The following MYH13 variants were observed in gnomAD, a reference collection of about 807,000 sequenced individuals.
MYH13 encodes the protein myosin-13.
MYH13 carries 177 observed loss-of-function variants against 232.1 expected under a neutral mutation model. The observed-to-expected ratio is 0.76, with a 90% CI of 0.67 to 0.86. The LOEUF (loss-of-function observed/expected upper bound fraction) is 0.86, where lower values mean the gene tolerates loss of function less well. Ranked by LOEUF, MYH13 falls within the 40% of genes least tolerant of loss-of-function variation. The pLI, the probability that MYH13 is intolerant of heterozygous loss-of-function variation, is 0.00. For synonymous variants in MYH13, 884 were observed against 923.5 expected (o/e 0.96, Z 0.78); for missense variants, 2,246 against 2,405.9 (o/e 0.93, Z 1.39).
intron 27 of MYH13, chr17:10,317,485 C>A (rs1378933914): frequency 3.9e-5 from 6 of 152,320 alleles, no homozygotes. Flanking sequence ...ATCTCCCTTC[C>A]TTTTCTGGAC....
chr17:10,365,723 G>A (rs530813558), intron 2 of MYH13, among the ~76,000 whole-genome samples: 2 of 152,186 alleles, frequency 1.3e-5, no homozygotes, highest in African/African-American at 4.8e-5. Context: ...CATAGGAGAT[G>A]GGGAAGTACT....
rs61338527 is a variant in MYH13 at position 10,355,828 on chromosome 17, C to CTTTTTTTTTTTTTTTTT, written c.739-698_739-682dup. Among the ~76,000 whole-genome samples, 14 of 66,808 alleles carry CTTTTTTTTTTTTTTTTT rather than the reference C, an allele frequency of 2.1e-4. 2 individuals carry two copies. Among genetic ancestry groups the CTTTTTTTTTTTTTTTTT allele is most frequent in the Non-Finnish European group, 2.4e-4 (9 of 38,266 alleles). 43.8% of individuals were successfully genotyped at this position (66,808 alleles called of 152,430 possible). A position where few individuals can be genotyped will look rare whatever the true frequency, so the allele number is the denominator to read the frequency against. On this transcript the variant is annotated intron_variant, in intron 8 of 40. Coordinates refer to ENST00000252172, the MANE Select transcript of MYH13 (RefSeq NM_003802.3). The stretch of plus-strand genomic sequence containing the variant: ...TAACTGGTTGGATTGTTCTGTCTGA[C>CTTTTTTTTTTTTTTTTT]TTTTTTTTTTTTTTTTTTTTTTTTT...
Position 10,364,203 on chromosome 17 carries a change from A to C in MYH13, c.204+124T>G, listed in dbSNP as rs908042733. The C allele has an allele frequency of 4.9e-6, 5 of 1,011,402 alleles. No homozygotes were observed. In the African/African-American group the frequency reaches 6.4e-5, roughly 13 times the overall value. The allele number at this position is 1,011,402 out of a possible 1,614,324, so 62.7% of individuals were successfully genotyped here. On this transcript the variant is annotated intron_variant, in intron 3 of 40. Coordinates refer to ENST00000252172, the MANE Select transcript of MYH13 (RefSeq NM_003802.3). ...CTTTCATCTGCTACTTCACCGCAGA[A>C]CAGATAAACTAAGTTTTGTTCTGTC...
In MYH13 at chr17:10,306,219, G is replaced by A. The variant is rs1906276570; in HGVS notation, c.5466+240C>T. ...ACTGAGGTGTGAGCATACCAAAATA[G>A]ATGTGTGTGTGTGTGTGTGTGTGTG... On this transcript the variant is annotated intron_variant, in intron 37 of 40. Transcript: ENST00000252172. This position sits in a 1 kb window ranked among gnomAD's most constrained non-coding sequence, Gnocchi z 4.3. Among the ~76,000 whole-genome samples the A allele has an allele frequency of 1.1e-5, 1 of 94,682 alleles. No individual in the cohort carries two copies. Among genetic ancestry groups the A allele is most frequent in the Non-Finnish European group, 2.3e-5 (1 of 43,054 alleles). The allele number at this position is 94,682 out of a possible 152,430, so 62.1% of individuals were successfully genotyped here.
intron 23 of MYH13, among the ~76,000 whole-genome samples, chr17:10,323,523 C>T (rs777458453): frequency 2.6e-5 from 4 of 151,856 alleles, no homozygotes; most frequent in South Asian, 2.1e-4. Context: ...TTTGAGAGGC[C>T]GAGGTGGGTG....
chr17:10,312,907 T>C lies in MYH13; in HGVS notation c.4182-150A>G, dbSNP rs949742385. The C allele has an allele frequency of 3.4e-5, 39 of 1,132,300 alleles. No individual in the cohort carries two copies. In the African/African-American group the frequency reaches 6.0e-4, roughly 17 times the overall value. 70.1% of individuals were successfully genotyped at this position (1,132,300 alleles called of 1,614,324 possible). On this transcript the variant is annotated intron_variant, in intron 30 of 40. Transcript: ENST00000252172. ...ATTTGGTGAGTGGGGAGGATCCAAGTGTCACCGAGAGATTCTCAAAATGCT... is the reference window on the plus strand; with the variant it reads ...ATTTGGTGAGTGGGGAGGATCCAAGCGTCACCGAGAGATTCTCAAAATGCT...
intron 5 of MYH13, among the ~76,000 whole-genome samples, chr17:10,360,806 A>T (rs980364738): frequency 6.6e-6 from 1 of 152,170 alleles, no homozygotes; most frequent in Non-Finnish European, 1.5e-5. Flanking sequence ...ATCTAATATG[A>T]CTGGTATCCT....
intron 5 of MYH13, 123 bp from the exon 6 acceptor site, chr17:10,360,311 G>A (rs1336683600): frequency 1.7e-6 from 2 of 1,155,660 alleles, no homozygotes; most frequent in East Asian, 5.1e-5. Context: ...TTAACCACTG[G>A]TATGATTTGG....
intron 23 of MYH13, among the ~76,000 whole-genome samples, chr17:10,323,071 G>A (rs1039264431): frequency 7.9e-5 from 12 of 152,072 alleles, no homozygotes; most frequent in Admixed American, 2.6e-4. Context: ...CGTTTTCCCC[G>A]TGGTGGACCC....
At chr17:10,322,811 T>G (rs564671717) in intron 23 of MYH13, among the ~76,000 whole-genome samples, 3 of 152,132 alleles carry the variant, frequency 2.0e-5, no homozygotes, top group Admixed American at 2.0e-4. Context: ...TTTTTTGTAT[T>G]TTTAGTAGAG....
intron 18 of MYH13, 105 bp downstream of exon 18, chr17:10,340,045 T>G (rs199965773): frequency 2.1e-6 from 2 of 939,510 alleles, no homozygotes; most frequent in East Asian, 5.3e-5. Flanking sequence ...CTTTCAGAAG[T>G]GATACAGACC....
chr17:10,338,355 A>G (rs1567666056), intron 18 of MYH13, among the ~76,000 whole-genome samples: 1 of 152,028 alleles, frequency 6.6e-6, no homozygotes, highest in African/African-American at 2.4e-5. Flanking sequence ...ATATATCACA[A>G]TGATGTAGTT....
Position 10,311,997 on chromosome 17 carries a change from C to T in MYH13, c.4445G>A (p.Ser1482Asn). Residue 1482 changes from serine to asparagine, a missense_variant, in exon 32 of 41, where the codon AGC (serine) becomes AAC (asparagine). Physicochemically the swap from Ser to Asn is conservative, Grantham distance 46. Coordinates refer to ENST00000252172, the MANE Select transcript of MYH13 (RefSeq NM_003802.3). ...ATTCCTCATCTTGAAGAGTTCAGTG[C>T]TGAGTGACCTGGACTCCTTCTGAGC... is the stretch of plus-strand genomic sequence containing the variant. The part of the protein sequence containing the change: ...EAAQKESRSL[S>N]TELFKMRNAY... 6.2e-7 allele frequency: 1 copy of T among 1,614,028 alleles called. No individual in the cohort carries two copies. Among genetic ancestry groups the T allele is most frequent in the Non-Finnish European group, 8.5e-7 (1 of 1,179,900 alleles).
chr17:10,332,018 G>T, intron 20 of MYH13, 81 bp downstream of exon 20: 1 of 1,565,562 alleles, frequency 6.4e-7, no homozygotes. Context: ...AAAAGGAGAA[G>T]GGGACCCTTT....
intron 33 of MYH13, 118 bp from the exon 34 acceptor site, chr17:10,309,948 T>TC: frequency 1.5e-6 from 1 of 658,980 alleles, no homozygotes; most frequent in Non-Finnish European, 2.1e-6. Context: ...AAATTTAAAT[T>TC]TTTTTTTTTT....
In MYH13 at chr17:10,324,244, G is replaced by A. The variant is rs778126835; in HGVS notation, c.2712C>T (p.Asp904=). ...TGAGTCCTTCACACCGTTCCTCAGCGTCCATCAGATTTTCTGTTTCCTGAA... is the reference window on the plus strand; with the variant it reads ...TGAGTCCTTCACACCGTTCCTCAGCATCCATCAGATTTTCTGTTTCCTGAA... ...QVQSETENLM[D]AEERCEGLIK... Residue 904 remains aspartate (D), a synonymous_variant, in exon 23 of 41, where the codon GAC becomes GAT. Transcript: ENST00000252172. 2.4e-5 allele frequency: 39 copies of A among 1,613,314 alleles called. No individual in the cohort carries two copies. The highest frequency in any genetic ancestry group is 4.5e-5 in the East Asian group (2 of 44,880).
chr17:10,371,596 G>A (rs1207413113), intron 1 of MYH13, among the ~76,000 whole-genome samples: 1 of 152,184 alleles, frequency 6.6e-6, no homozygotes, highest in African/African-American at 2.4e-5. Context: ...ATAAGAGAAT[G>A]CTCAAGTAAG....
In MYH13 at chr17:10,306,459, C is replaced by T. The variant is rs751730525; in HGVS notation, c.5466G>A (p.Arg1822=). ...GKKQIQKLEN[R]VRELENELDV... ...GTAACAGTCCTCTCAAAAACTCTAC[C>T]CGGTTCTCCAGTTTCTGGATCTGCT... is the stretch of plus-strand genomic sequence containing the variant. Residue 1822 remains arginine (R), a splice_region_variant and synonymous_variant, in exon 37 of 41, where the codon CGG becomes CGA. Transcript: ENST00000252172. The surrounding 1 kb of genome is among the most constrained non-coding windows in gnomAD (Gnocchi z 4.3). The T allele has an allele frequency of 1.5e-5, 25 of 1,614,078 alleles. No homozygotes were observed. In the South Asian group the frequency reaches 2.6e-4, roughly 17 times the overall value.
rs2071734777 is a variant in MYH13, at chr17:10,354,664, T to C, written c.1005+16A>G. ...ATAATTCTGTGCATAAACAGACAAA[T>C]AAATGGCATGCTTACATCTGTCGCC... is the stretch of plus-strand genomic sequence containing the variant. On this transcript the variant is annotated intron_variant, in intron 11 of 40. Transcript: ENST00000252172. 1 of 1,602,944 alleles carries C rather than the reference T, an allele frequency of 6.2e-7. No homozygotes were observed. The highest frequency in any genetic ancestry group is 8.5e-7 in the Non-Finnish European group (1 of 1,170,664).
Sources: allele counts gnomAD v4.1 joint callset (sites outside exome capture counted in the v4.1 genomes callset), GRCh38; gene constraint gnomAD v4.1.1; non-coding constraint Gnocchi (gnomAD v3.1); transcripts MANE v1.5; gene names NCBI Gene and HGNC (gene_info 2026-07-23, HGNC 2026-07-21).